The following SKI variants were observed in gnomAD, a reference collection of about 807,000 sequenced individuals.
SKI encodes ski oncogene.
SKI carries 23 observed loss-of-function variants against 59.3 expected under a neutral mutation model. The observed-to-expected ratio is 0.39, with a 90% confidence interval of 0.28 to 0.55. SKI has a LOEUF of 0.55. SKI is among the 20% of genes least tolerant of loss of function. SKI has a pLI of 0.67. For missense variants in SKI, 1,017 were observed against 1,038.9 expected (o/e 0.98, Z 0.29); for synonymous variants, 673 against 488.6 (o/e 1.38, Z -4.98).
At chr1:2,256,490 C>G (rs924655083) in intron 1 of SKI, among the ~76,000 whole-genome samples, 2 of 152,250 alleles carry the variant, frequency 1.3e-5, no homozygotes, top group African/African-American at 2.4e-5. Flanking sequence ...CCAGCTGGCC[C>G]TCACCTGCCC....
At chr1:2,244,805 T>C (rs1168522129) in intron 1 of SKI, among the ~76,000 whole-genome samples, 2 of 152,170 alleles carry the variant, frequency 1.3e-5, no homozygotes, top group African/African-American at 4.8e-5. Flanking sequence ...GTTGAACACA[T>C]AGGCTGACAG....
chr1:2,244,452 C>T (rs1394380299), intron 1 of SKI, among the ~76,000 whole-genome samples: 1 of 152,080 alleles, frequency 6.6e-6, no homozygotes, highest in Non-Finnish European at 1.5e-5. Context: ...TGGTGGTGTG[C>T]ACCTGTAGTC....
At chr1:2,264,188 C>T (rs967741567) in intron 1 of SKI, among the ~76,000 whole-genome samples, 7 of 152,136 alleles carry the variant, frequency 4.6e-5, no homozygotes, top group Non-Finnish European at 1.0e-4. Flanking sequence ...CCATTTCTCC[C>T]TTTGTTTCTG....
At position 2,298,161 on chromosome 1, in the gene SKI, G is replaced by A. The variant is rs142936004; in HGVS notation, c.970-4817G>A. Among the ~76,000 whole-genome samples the A allele has an allele frequency of 4.6e-3, 694 of 152,292 alleles. 4 individuals carry two copies. Among genetic ancestry groups the A allele is most frequent in the African/African-American group, 0.012 (486 of 41,544 alleles). ...TGCGTTGTTCACATGTGAAGCCGGCGTCACAAAGGCCTCAATGTCTGTTTC... is the reference window on the plus strand; with the variant it reads ...TGCGTTGTTCACATGTGAAGCCGGCATCACAAAGGCCTCAATGTCTGTTTC... On this transcript the variant is annotated intron_variant, in intron 1 of 6. Transcript: ENST00000378536.
At chr1:2,302,234 T>C (rs1030771580) in intron 1 of SKI, among the ~76,000 whole-genome samples, 1 of 152,052 alleles carries the variant, frequency 6.6e-6, no homozygotes, top group Non-Finnish European at 1.5e-5. Context: ...GGGACCTGGT[T>C]CTGGGTGGGC....
intron 1 of SKI, among the ~76,000 whole-genome samples, chr1:2,238,766 C>T (rs902747820): frequency 2.6e-5 from 4 of 152,218 alleles, no homozygotes; most frequent in African/African-American, 9.7e-5. Flanking sequence ...TGGCACTCAC[C>T]GAGTGAGAGC....
rs140745811 is a variant in SKI at position 2,303,049 on chromosome 1, C to T, written c.1041C>T (p.Ser347=). 1.4e-4 allele frequency: 219 copies of T among 1,613,688 alleles called. 1 individual carries two copies. The South Asian group carries it at 1.8e-3, about 13-fold the overall frequency. ...CCTCTTCCCAGTCCCCCGCGCCTTC[C>T]GAAAAGGACAAGCCGTCCAGCTGGC... ...DDTSSQSPAP[S]EKDKPSSWLR... Residue 347 remains serine, a synonymous_variant, in exon 2 of 7, where the codon TCC becomes TCT. Transcript: ENST00000378536. The surrounding 1 kb of genome is among the most constrained non-coding windows in gnomAD (Gnocchi z 5.6).
At chr1:2,282,781 G>A (rs909158321) in intron 1 of SKI, among the ~76,000 whole-genome samples, 9 of 152,182 alleles carry the variant, frequency 5.9e-5, no homozygotes, top group African/African-American at 2.2e-4. Context: ...GGCTCTCGGG[G>A]GCGCCAGTCC....
At chr1:2,233,181 C>T (rs150564009) in intron 1 of SKI, among the ~76,000 whole-genome samples, 1,983 of 149,834 alleles carry the variant, frequency 0.013, 19 homozygotes, top group Middle Eastern at 0.053. Context: ...GATCCTGCTC[C>T]AAGGGGGGGT....
rs774767124 is a variant in SKI at position 2,229,728 on chromosome 1, T to TGCCCCGGGTGAGTG, written c.968_969+12dup. On this transcript the variant is annotated frameshift_variant, in exon 1 of 7. Coordinates refer to ENST00000378536, the MANE Select transcript of SKI (RefSeq NM_003036.4). LOFTEE classifies it high-confidence loss of function. This position sits in a 1 kb window ranked among gnomAD's most constrained non-coding sequence, Gnocchi z 6.3. ...TATGGCAACAAGTACAAGCGGCGGGTGCCCCGGGTGAGTGGCCCCAGGCCT... is the reference window on the plus strand; with the variant it reads ...TATGGCAACAAGTACAAGCGGCGGGTGCCCCGGGTGAGTGGCCCCGGGTGAGTGGCCCCAGGCCT... The TGCCCCGGGTGAGTG allele has an allele frequency of 1.7e-5, 27 of 1,559,996 alleles. No homozygotes were observed. The South Asian group carries it at 3.2e-4, about 18-fold the overall frequency.
intron 1 of SKI, among the ~76,000 whole-genome samples, chr1:2,285,240 C>T (rs1277721851): frequency 6.6e-6 from 1 of 152,118 alleles, no homozygotes; most frequent in Non-Finnish European, 1.5e-5. Context: ...AGGCCGGTCG[C>T]AGTGGCTCAC....
rs536091885 is a variant in SKI at position 2,307,756 on chromosome 1, C to T, written c.*991C>T. 2 of 152,656 alleles carry T rather than the reference C, an allele frequency of 1.3e-5. No homozygotes were observed. The highest frequency in any genetic ancestry group is 2.4e-5 in the African/African-American group (1 of 41,552). 9.5% of individuals were successfully genotyped at this position (152,656 alleles called of 1,614,324 possible). On this transcript the variant is annotated 3_prime_UTR_variant, in exon 7 of 7. Transcript: ENST00000378536. ...GAACTGCACTTTGTCCACAACCTTC[C>T]CTTCTCTTTCTATTCCCCAGTGAAC...
At chr1:2,230,978 T>A (rs1366044185) in intron 1 of SKI, among the ~76,000 whole-genome samples, 1 of 151,834 alleles carries the variant, frequency 6.6e-6, no homozygotes, top group African/African-American at 2.4e-5. Flanking sequence ...TGTGTGCATG[T>A]GTGTGTTTGT....
At chr1:2,247,345 C>T (rs1481320729) in intron 1 of SKI, among the ~76,000 whole-genome samples, 1 of 152,220 alleles carries the variant, frequency 6.6e-6, no homozygotes, top group Admixed American at 6.5e-5. Context: ...GGAAGGGCAG[C>T]GAGAGGACCC....
In SKI at chr1:2,304,336, A is replaced by C; in HGVS notation, c.1518A>C (p.Ser506=). The change falls in exon 5 of 7, where the codon TCA becomes TCC. Residue 506 remains serine, a synonymous_variant. Coordinates refer to ENST00000378536, the MANE Select transcript of SKI (RefSeq NM_003036.4). ...LSSLSSPSFT[S]SSSAKDLGSP... Reference sequence around the variant, plus strand: ...CGCTCTCTTCCCCGTCCTTTACCTCATCCAGCTCCGCCAAGGACCTGGGCT... The same window carrying C: ...CGCTCTCTTCCCCGTCCTTTACCTCCTCCAGCTCCGCCAAGGACCTGGGCT... 6.4e-7 allele frequency: 1 copy of C among 1,551,280 alleles called. No individual in the cohort carries two copies. The highest frequency in any genetic ancestry group is 8.7e-7 in the Non-Finnish European group (1 of 1,146,822).
At chr1:2,302,631 C>G (rs1343564431) in intron 1 of SKI, among the ~76,000 whole-genome samples, 1 of 152,158 alleles carries the variant, frequency 6.6e-6, no homozygotes, top group South Asian at 2.1e-4. Flanking sequence ...CCTGGCCAGG[C>G]TGAGCCGCTG....
chr1:2,302,539 G>C (rs1265055844), intron 1 of SKI, among the ~76,000 whole-genome samples: 2 of 152,068 alleles, frequency 1.3e-5, no homozygotes, highest in African/African-American at 4.8e-5. Context: ...GGCTGGTTGA[G>C]CTGAGTGCCC....
chr1:2,250,524 C>T (rs56054221), intron 1 of SKI, among the ~76,000 whole-genome samples: 21,936 of 152,272 alleles, frequency 0.14, 1,995 homozygotes, highest in African/African-American at 0.26. Context: ...CGTGGTGAGT[C>T]CCCATTCCCT....
At position 2,229,813 on chromosome 1, in the gene SKI, C is replaced by G. The variant is rs991454068; in HGVS notation, c.969+78C>G. On this transcript the variant is annotated intron_variant, in intron 1 of 6. Transcript: ENST00000378536. This position sits in a 1 kb window ranked among gnomAD's most constrained non-coding sequence, Gnocchi z 6.3. ...CCTTCTGGACTACAGGCTCTGGTCT[C>G]CGAAGGCTGGGACCTGTGCTTCTGC... 5 of 1,546,966 alleles carry G rather than the reference C, an allele frequency of 3.2e-6. No individual in the cohort carries two copies. The South Asian group carries it at 6.0e-5, about 19-fold the overall frequency.
Sources: allele counts gnomAD v4.1 joint callset (sites outside exome capture counted in the v4.1 genomes callset), GRCh38; gene constraint gnomAD v4.1.1; non-coding constraint Gnocchi (gnomAD v3.1); transcripts MANE v1.5; gene names NCBI Gene and HGNC (gene_info 2026-07-23, HGNC 2026-07-21).